The following PLCG2 variants were observed in gnomAD, a reference collection of about 807,000 sequenced individuals.
PLCG2 encodes 1-phosphatidylinositol 4,5-bisphosphate phosphodiesterase gamma-2.
Under a neutral mutation model 175.6 loss-of-function variants are expected in PLCG2, and 69 were observed. That is an observed-to-expected ratio of 0.39 (90% CI 0.32 to 0.48). PLCG2 has a LOEUF of 0.48. Ranked by LOEUF, PLCG2 falls within the 20% of genes least tolerant of loss-of-function variation. The probability of loss-of-function intolerance (pLI) is 0.91; values close to 1 mark genes in which losing one functional copy is unlikely to be tolerated. For synonymous variants in PLCG2, 827 were observed against 624.0 expected (o/e 1.33, Z -4.85); for missense variants, 1,798 against 1,650.9 (o/e 1.09, Z -1.54).
chr16:81,845,606 C>T (rs1248617598), intron 2 of PLCG2, among the ~76,000 whole-genome samples: 1 of 152,234 alleles, frequency 6.6e-6, no homozygotes, highest in Non-Finnish European at 1.5e-5. Flanking sequence ...GAATTTGCAG[C>T]CCCTGCACTA....
chr16:81,855,294 T>C (rs1906627589), intron 3 of PLCG2, among the ~76,000 whole-genome samples: 1 of 152,092 alleles, frequency 6.6e-6, no homozygotes, highest in South Asian at 2.1e-4. Context: ...TGTCCTGAGA[T>C]CTTCTGTTGC....
At position 81,893,737 on chromosome 16, in the gene PLCG2, G is replaced by T. The variant is rs1597113432; in HGVS notation, c.1015G>T (p.Glu339Ter). ...CCTTACAGGTGACCAGCTGCGGAGCGAGTCGTCCCCAGAAGCTTACATCCG... is the reference window on the plus strand; with the variant it reads ...CCTTACAGGTGACCAGCTGCGGAGCTAGTCGTCCCCAGAAGCTTACATCCG... ...TYLTGDQLRS[E>*]SSPEAYIRCL... The change falls in exon 12 of 33, where the codon GAG becomes TAG. Residue 339 changes from glutamate (E) to a stop codon, truncating the protein, a stop_gained. Transcript: ENST00000564138. LOFTEE classifies it high-confidence loss of function. The T allele has an allele frequency of 6.2e-7, 1 of 1,612,330 alleles. No homozygotes were observed. The highest frequency in any genetic ancestry group is 2.2e-5 in the East Asian group (1 of 44,850).
chr16:81,950,396 G>A (rs1911318817), intron 31 of PLCG2, among the ~76,000 whole-genome samples: 1 of 152,106 alleles, frequency 6.6e-6, no homozygotes, highest in South Asian at 2.1e-4. Context: ...TTAGCAAATA[G>A]CATAGTACCT....
At chr16:81,905,746 C>T (rs1044374889) in intron 15 of PLCG2, among the ~76,000 whole-genome samples, 1 of 152,174 alleles carries the variant, frequency 6.6e-6, no homozygotes, top group African/African-American at 2.4e-5. Context: ...GCAGCCTTGA[C>T]CTCCCAGGCT....
At chr16:81,936,039 C>T in intron 26 of PLCG2, 130 bp from the exon 27 acceptor site, 1 of 1,466,532 alleles carries the variant, frequency 6.8e-7, no homozygotes. Context: ...ATCATCAGAA[C>T]CCCTTGAATG....
At chr16:81,956,915 G>A in intron 32 of PLCG2, 36 bp downstream of exon 32, 5 of 1,572,374 alleles carry the variant, frequency 3.2e-6, no homozygotes, top group Non-Finnish European at 4.4e-6. Context: ...AACTTTTGGG[G>A]GGTCTCTAGG....
intron 14 of PLCG2, among the ~76,000 whole-genome samples, chr16:81,902,775 G>T (rs1909207441): frequency 6.6e-6 from 1 of 152,132 alleles, no homozygotes; most frequent in South Asian, 2.1e-4. Flanking sequence ...AAGGAAAGAG[G>T]TTTAATGGAC....
chr16:81,884,940 A>G (rs1908280905), intron 9 of PLCG2, among the ~76,000 whole-genome samples: 1 of 151,832 alleles, frequency 6.6e-6, no homozygotes, highest in Non-Finnish European at 1.5e-5. Context: ...CAGGCTGGAG[A>G]GCAGTGGCAT....
intron 2 of PLCG2, among the ~76,000 whole-genome samples, chr16:81,816,798 A>G (rs1311613826): frequency 6.6e-6 from 1 of 151,542 alleles, no homozygotes; most frequent in Non-Finnish European, 1.5e-5. Context: ...CACGGTGCCC[A>G]GCCAGAAATT....
At chr16:81,895,718 G>C in intron 12 of PLCG2, 89 bp from the exon 13 acceptor site, 1 of 1,454,160 alleles carries the variant, frequency 6.9e-7, no homozygotes, top group Non-Finnish European at 9.6e-7. Flanking sequence ...TCCTTGTCTA[G>C]TAACTGAACT....
intron 2 of PLCG2, among the ~76,000 whole-genome samples, chr16:81,798,173 G>A (rs1157474902): frequency 6.6e-6 from 1 of 152,130 alleles, no homozygotes; most frequent in East Asian, 1.9e-4. Flanking sequence ...TAATAGTGGA[G>A]CTTACCCCAT....
intron 2 of PLCG2, among the ~76,000 whole-genome samples, chr16:81,815,260 C>G (rs1449619432): frequency 6.6e-6 from 1 of 152,182 alleles, no homozygotes; most frequent in African/African-American, 2.4e-5. Context: ...GTTCCCAGCT[C>G]TCCCTGGTGG....
intron 2 of PLCG2, among the ~76,000 whole-genome samples, chr16:81,848,955 C>G (rs958119621): frequency 7.2e-5 from 11 of 152,162 alleles, no homozygotes; most frequent in African/African-American, 2.7e-4. Flanking sequence ...GAGAGCTTGG[C>G]ACTAACCAGA....
At chr16:81,937,149 A>G (rs1298182215) in intron 27 of PLCG2, among the ~76,000 whole-genome samples, 3 of 152,314 alleles carry the variant, frequency 2.0e-5, no homozygotes, top group South Asian at 2.1e-4. Context: ...CACACTGCCA[A>G]ACTGCCCTCC....
intron 5 of PLCG2, among the ~76,000 whole-genome samples, chr16:81,867,107 A>C (rs1004872202): frequency 6.6e-6 from 1 of 152,116 alleles, no homozygotes; most frequent in African/African-American, 2.4e-5. Context: ...GGCCCTTAGA[A>C]CCAGAGGAAA....
chr16:81,789,981 T>A (rs1214322458), intron 2 of PLCG2, among the ~76,000 whole-genome samples: 1 of 152,220 alleles, frequency 6.6e-6, no homozygotes, highest in Non-Finnish European at 1.5e-5. Flanking sequence ...ATGAGCAGTC[T>A]GGGGCTTGAC....
chr16:81,886,342 C>G (rs997858550), intron 9 of PLCG2, among the ~76,000 whole-genome samples: 1 of 152,144 alleles, frequency 6.6e-6, no homozygotes, highest in South Asian at 2.1e-4. Context: ...AGCATCCATG[C>G]GATGTTTGTT....
In PLCG2 at chr16:81,961,133, C is replaced by G. The variant is rs1911763600; in HGVS notation, c.*3135C>G. The G allele has an allele frequency of 4.3e-6, 1 of 230,904 alleles. No homozygotes were observed. The highest frequency in any genetic ancestry group is 8.6e-6 in the Non-Finnish European group (1 of 116,722). 14.3% of individuals were successfully genotyped at this position (230,904 alleles called of 1,614,324 possible). On this transcript the variant is annotated 3_prime_UTR_variant, in exon 33 of 33. Transcript: ENST00000564138. Reference sequence around the variant, plus strand: ...GCTTTCAACAAAGTGGGAGGAACAGCCTGTAGATTTCTGAGTCTCTTAGCA... The same window carrying G: ...GCTTTCAACAAAGTGGGAGGAACAGGCTGTAGATTTCTGAGTCTCTTAGCA...
At chr16:81,907,887 C>T in intron 16 of PLCG2, 113 bp downstream of exon 16, 1 of 704,434 alleles carries the variant, frequency 1.4e-6, no homozygotes, top group East Asian at 2.7e-5. Flanking sequence ...CAAGGGGATG[C>T]TCCGCTGAAG....
Sources: allele counts gnomAD v4.1 joint callset (sites outside exome capture counted in the v4.1 genomes callset), GRCh38; gene constraint gnomAD v4.1.1; transcripts MANE v1.5; gene names NCBI Gene and HGNC (gene_info 2026-07-23, HGNC 2026-07-21).